Variants in MTHFD2L observed in about 807,000 individuals in gnomAD.
MTHFD2L encodes methylenetetrahydrofolate dehydrogenase (NADP+ dependent) 2 like.
A neutral mutation model predicts 34.9 loss-of-function variants in MTHFD2L; 29 were observed. The observed-to-expected ratio is 0.83, with a 90% CI of 0.62 to 1.13. The LOEUF (loss-of-function observed/expected upper bound fraction) is 1.13, where lower values mean the gene tolerates loss of function less well. Among genes scored for constraint, MTHFD2L ranks in the 50% most tolerant of loss-of-function variants. The pLI is 0.00. For missense variants in MTHFD2L, 481 were observed against 446.5 expected (o/e 1.08, Z -0.70); for synonymous variants, 167 against 155.7 (o/e 1.07, Z -0.54).
chr4:74,157,478 C>T (rs1252682939), upstream of MTHFD2L: 1 of 362,606 alleles, frequency 2.8e-6, no homozygotes, highest in Non-Finnish European at 5.4e-6. Context: ...GCTCACCACA[C>T]AATGCAGGGT....
chr4:74,125,988 C>G (rs987604224), intron 1 of MTHFD2L, among the ~76,000 whole-genome samples: 1 of 152,148 alleles, frequency 6.6e-6, no homozygotes, highest in African/African-American at 2.4e-5. Flanking sequence ...ATCTGCACCA[C>G]TTCAATGCTC....
intron 3 of MTHFD2L, chr4:74,184,037 A>C (rs1455031267): frequency 6.6e-6 from 1 of 152,162 alleles, no homozygotes; most frequent in Non-Finnish European, 1.5e-5. Context: ...AACATGTATA[A>C]TATGAAACCG....
At chr4:74,268,867 G>C (rs77768061) in intron 6 of MTHFD2L, among the ~76,000 whole-genome samples, 1 of 152,156 alleles carries the variant, frequency 6.6e-6, no homozygotes, top group South Asian at 2.1e-4. Context: ...AGCTCCTAGG[G>C]TGTAGACTAG....
intron 1 of MTHFD2L, among the ~76,000 whole-genome samples, chr4:74,172,476 A>G (rs978987266): frequency 1.3e-5 from 2 of 152,214 alleles, no homozygotes; most frequent in African/African-American, 2.4e-5. Flanking sequence ...AATCAAAAGT[A>G]GAGTTTACTT....
chr4:74,268,311 C>A, intron 6 of MTHFD2L: 1 of 916,590 alleles, frequency 1.1e-6, no homozygotes, highest in Non-Finnish European at 1.3e-6. Flanking sequence ...ACAAATTCCA[C>A]TCTAATTATT....
chr4:74,135,774 C>G lies in MTHFD2L; in HGVS notation c.-297+10257C>G, dbSNP rs542608396. On this transcript the variant is annotated intron_variant, in intron 1 of 7. Coordinates refer to the MTHFD2L transcript ENST00000433372. ...AATCTTCAGCAAAATACTCATTTAC[C>G]ATTGTCAAGTAGAATTCATTCCAGA... Among the ~76,000 whole-genome samples, 146 of 151,942 alleles carry G rather than the reference C, an allele frequency of 9.6e-4. 2 individuals are homozygous for G. The highest frequency in any genetic ancestry group is 3.4e-3 in the African/African-American group (139 of 41,478).
At chr4:74,139,738 T>A (rs1440327993) in intron 1 of MTHFD2L, among the ~76,000 whole-genome samples, 1 of 152,234 alleles carries the variant, frequency 6.6e-6, no homozygotes, top group Non-Finnish European at 1.5e-5. Context: ...GATAAAGCAC[T>A]GCTTCTGCTG....
intron 6 of MTHFD2L, among the ~76,000 whole-genome samples, chr4:74,264,062 C>T (rs376516173): frequency 2.0e-5 from 3 of 152,004 alleles, no homozygotes; most frequent in East Asian, 1.9e-4. Context: ...GACTTCCCAA[C>T]CTGATGAAGG....
At position 74,249,407 on chromosome 4, in the gene MTHFD2L, C is replaced by T. The variant is rs547107047; in HGVS notation, c.805+24013C>T. ...CATGAAATGGGTTTCCTGAATACAG[C>T]ACACTGATGGGTCTTGACTCTTTAT... On this transcript the variant is annotated intron_variant, in intron 6 of 7. Coordinates refer to ENST00000325278, the MANE Select transcript of MTHFD2L (RefSeq NM_001144978.3). Among the ~76,000 whole-genome samples the T allele has an allele frequency of 2.0e-5, 3 of 152,280 alleles. No individual in the cohort carries two copies. The South Asian group carries it at 6.2e-4, about 32-fold the overall frequency.
chr4:74,126,091 G>T (rs1465823306), intron 1 of MTHFD2L, among the ~76,000 whole-genome samples: 1 of 152,074 alleles, frequency 6.6e-6, no homozygotes, highest in African/African-American at 2.4e-5. Flanking sequence ...AATGGCCTTG[G>T]GCGCAGTCTT....
intron 7 of MTHFD2L, among the ~76,000 whole-genome samples, chr4:74,296,286 A>G (rs1015301840): frequency 3.3e-5 from 5 of 152,148 alleles, no homozygotes; most frequent in African/African-American, 1.2e-4. Context: ...GAGATAATCA[A>G]ATCTGTGTTT....
chr4:74,194,245 T>G (rs1733085117), intron 3 of MTHFD2L: 1 of 152,214 alleles, frequency 6.6e-6, no homozygotes, highest in Non-Finnish European at 1.5e-5. Flanking sequence ...TTCCTGGATA[T>G]ATCGCTTCAA....
At chr4:74,158,354 C>G in intron 1 of MTHFD2L, 73 bp downstream of exon 1, 1 of 1,099,018 alleles carries the variant, frequency 9.1e-7, no homozygotes, top group Non-Finnish European at 1.1e-6. Context: ...GCGGCGCTCG[C>G]GCGCGTGGGG....
At chr4:74,200,113 C>T (rs1734171690) in intron 4 of MTHFD2L, among the ~76,000 whole-genome samples, 167 bp downstream of exon 4, 1 of 152,026 alleles carries the variant, frequency 6.6e-6, no homozygotes, top group South Asian at 2.1e-4. Flanking sequence ...AAACATAATA[C>T]AATCCTGGCT....
chr4:74,168,158 G>A (rs1432285402), intron 1 of MTHFD2L, among the ~76,000 whole-genome samples: 8 of 152,118 alleles, frequency 5.3e-5, no homozygotes, highest in African/African-American at 1.9e-4. Context: ...TCTCTAAATG[G>A]CTTCGTGTCT....
chr4:74,174,485 T>G (rs753794436), intron 1 of MTHFD2L, 21 bp from the exon 2 acceptor site: 1 of 1,413,754 alleles, frequency 7.1e-7, no homozygotes, highest in African/African-American at 1.5e-5. Flanking sequence ...TTTTTAGTAT[T>G]TATTGTTTTG....
chr4:74,238,827 G>A (rs1488039172), intron 6 of MTHFD2L, among the ~76,000 whole-genome samples: 1 of 152,168 alleles, frequency 6.6e-6, no homozygotes, highest in African/African-American at 2.4e-5. Context: ...TCGTTAAAAA[G>A]TCAGGAAACA....
intron 6 of MTHFD2L, among the ~76,000 whole-genome samples, chr4:74,234,833 G>A (rs1740615481): frequency 6.7e-6 from 1 of 150,026 alleles, no homozygotes; most frequent in Admixed American, 6.6e-5. Flanking sequence ...ACGTGTGTAA[G>A]AGACACAGAT....
intron 5 of MTHFD2L, among the ~76,000 whole-genome samples, chr4:74,222,651 A>C (rs970805908): frequency 3.3e-5 from 5 of 152,224 alleles, no homozygotes; most frequent in African/African-American, 1.2e-4. Context: ...CTATAATCAT[A>C]ATCAAAACTT....
Sources: gnomAD v4.1 joint callset for allele counts (sites outside exome capture counted in the v4.1 genomes callset) on GRCh38, gnomAD v4.1.1 for gene constraint, MANE v1.5 for transcripts, NCBI Gene and HGNC (gene_info 2026-07-23, HGNC 2026-07-21) for gene names.